The following PPP1R42 variants were observed in gnomAD, a reference collection of about 807,000 sequenced individuals.
PPP1R42 encodes leucine rich repeat containing 67.
PPP1R42 carries 34 observed loss-of-function variants against 31.0 expected under a neutral mutation model. That is an observed-to-expected ratio of 1.10 (90% CI 0.83 to 1.46). The LOEUF (loss-of-function observed/expected upper bound fraction) is 1.46, where lower values mean the gene tolerates loss of function less well. Among genes scored for constraint, PPP1R42 ranks in the 40% most tolerant of loss-of-function variants. The pLI, the probability that PPP1R42 is intolerant of heterozygous loss-of-function variation, is 0.00. For missense variants in PPP1R42, 268 were observed against 303.0 expected, an observed-to-expected ratio of 0.88 and a Z score of 0.86; for synonymous variants, 103 against 109.8, an observed-to-expected ratio of 0.94 and a Z score of 0.39.
chr8:67,000,885 A>T (rs535305052), intron 5 of PPP1R42, among the ~76,000 whole-genome samples: 2 of 152,330 alleles, frequency 1.3e-5, no homozygotes, highest in Middle Eastern at 3.4e-3. Flanking sequence ...CTATCAACCA[A>T]TGCAAGAGAA....
chr8:67,000,010 A>G (rs1430120665), intron 5 of PPP1R42, among the ~76,000 whole-genome samples: 1 of 151,952 alleles, frequency 6.6e-6, no homozygotes, highest in East Asian at 1.9e-4. Flanking sequence ...TTGTTTATTA[A>G]TTTTATTAAT....
chr8:67,000,527 C>T (rs1242310202), intron 5 of PPP1R42, among the ~76,000 whole-genome samples: 4 of 151,480 alleles, frequency 2.6e-5, no homozygotes, highest in South Asian at 2.1e-4. Flanking sequence ...GGTGTGATCT[C>T]GGTCACTGCA....
intron 3 of PPP1R42, among the ~76,000 whole-genome samples, 177 bp from the exon 4 acceptor site, chr8:67,013,273 T>A (rs1405137925): frequency 6.6e-6 from 1 of 152,188 alleles, no homozygotes; most frequent in East Asian, 1.9e-4. Flanking sequence ...AATTATATTC[T>A]TACACTTAAT....
chr8:66,978,039 C>T (rs979451653), intron 7 of PPP1R42, among the ~76,000 whole-genome samples: 3 of 152,164 alleles, frequency 2.0e-5, no homozygotes, highest in Non-Finnish European at 4.4e-5. Context: ...TAAGAGAGCT[C>T]CCTTTTCTCT....
chr8:67,010,841 A>G lies in PPP1R42; in HGVS notation c.436-10T>C, dbSNP rs764635934. 1 of 1,568,692 alleles carries G rather than the reference A, an allele frequency of 6.4e-7. No individual in the cohort carries two copies. The highest frequency in any genetic ancestry group is 1.9e-5 in the Admixed American group (1 of 54,022). On this transcript the variant is annotated splice_polypyrimidine_tract_variant and intron_variant, in intron 4 of 7. Transcript: ENST00000685739. ...ATATACAGAGGGATTTCTGTAAGAA[A>G]AATAACGAAGTTAGCATTAGTAAAT... is the stretch of plus-strand genomic sequence containing the variant.
chr8:67,021,178 T>C (rs1371133558), intron 1 of PPP1R42: 2 of 152,184 alleles, frequency 1.3e-5, no homozygotes, highest in East Asian at 3.8e-4. Context: ...CAATATTCTG[T>C]ATATGAAATC....
chr8:66,964,691 G>A (rs896638018), intron 7 of PPP1R42, among the ~76,000 whole-genome samples: 3 of 151,902 alleles, frequency 2.0e-5, no homozygotes, highest in African/African-American at 7.3e-5. Context: ...ATTCCATATT[G>A]TTTTTATATA....
At chr8:66,992,559 A>G (rs943124220) in intron 5 of PPP1R42, among the ~76,000 whole-genome samples, 2 of 152,242 alleles carry the variant, frequency 1.3e-5, no homozygotes, top group Admixed American at 6.5e-5. Flanking sequence ...GAGCAGGAGC[A>G]TATGTCCCTG....
At position 66,976,244 on chromosome 8, in the gene PPP1R42, G is replaced by C. The variant is rs578041230; in HGVS notation, c.802+5805C>G. Among the ~76,000 whole-genome samples, 370 of 152,086 alleles carry C rather than the reference G, an allele frequency of 2.4e-3. 1 individual carries two copies. The highest frequency in any genetic ancestry group is 0.014 in the Middle Eastern group (4 of 294). On this transcript the variant is annotated intron_variant, in intron 7 of 7. Transcript: ENST00000685739. ...TACTCCCAGATAGGATCATCTAGTT[G>C]CAGGAAAAAAAGCTCAGGGCTCCTG...
chr8:66,991,750 C>A (rs539031267), intron 5 of PPP1R42, among the ~76,000 whole-genome samples: 1 of 152,174 alleles, frequency 6.6e-6, no homozygotes, highest in Non-Finnish European at 1.5e-5. Flanking sequence ...CCAGTATCTC[C>A]GTCTTATCTG....
intron 1 of PPP1R42, among the ~76,000 whole-genome samples, chr8:67,023,988 C>CA (rs1285770303): frequency 2.0e-5 from 3 of 151,184 alleles, no homozygotes; most frequent in Non-Finnish European, 4.4e-5. Context: ...ACTAAAAATA[C>CA]AAAAAAAATT....
At chr8:66,989,122 T>C (rs1037144985) in intron 5 of PPP1R42, among the ~76,000 whole-genome samples, 2 of 152,148 alleles carry the variant, frequency 1.3e-5, no homozygotes, top group African/African-American at 4.8e-5. Flanking sequence ...ATATTTTTAA[T>C]TGTCATAATT....
intron 7 of PPP1R42, chr8:66,968,533 A>G: frequency 7.3e-6 from 7 of 960,728 alleles, no homozygotes; most frequent in Non-Finnish European, 8.7e-6. Flanking sequence ...TAAAGTAATT[A>G]AGGCAAGGGG....
chr8:66,976,197 A>G lies in PPP1R42; in HGVS notation c.802+5852T>C, dbSNP rs147956318. Among the ~76,000 whole-genome samples the G allele has an allele frequency of 1.8e-4, 27 of 152,100 alleles. No individual in the cohort carries two copies. The East Asian group carries it at 2.1e-3, about 12-fold the overall frequency. ...ACTCCTTATGAGAATCTAATGCCCA[A>G]TGATCTGTCACTGTCTCTCATTACT... On this transcript the variant is annotated intron_variant, in intron 7 of 7. Coordinates refer to ENST00000685739, the MANE Select transcript of PPP1R42 (RefSeq NM_001364910.1).
intron 2 of PPP1R42, among the ~76,000 whole-genome samples, chr8:67,016,454 A>T (rs1044093149): frequency 2.0e-5 from 3 of 152,216 alleles, no homozygotes; most frequent in Non-Finnish European, 4.4e-5. Flanking sequence ...AAAGTTTCCC[A>T]AATTACAGCC....
chr8:66,964,388 C>T (rs1487164959), intron 7 of PPP1R42, 54 bp from the exon 8 acceptor site: 2 of 966,088 alleles, frequency 2.1e-6, no homozygotes, highest in African/African-American at 3.5e-5. Context: ...TGAAAGTATC[C>T]CTAAAAGGTA....
chr8:67,010,769 T>C lies in PPP1R42; in HGVS notation c.498A>G (p.Leu166=). ...CTATGAGCTGATTAAGATTCTCTAGTAGTTCTAAGTCTGTAATGTCATCAA... is the reference window on the plus strand; with the variant it reads ...CTATGAGCTGATTAAGATTCTCTAGCAGTTCTAAGTCTGTAATGTCATCAA... ...NNIDDITDLE[L]LENLNQLIAV... is the part of the protein sequence containing the mutation. The change falls in exon 5 of 8, where the codon CTA becomes CTG. Residue 166 remains leucine (L), a synonymous_variant. Coordinates refer to ENST00000685739, the MANE Select transcript of PPP1R42 (RefSeq NM_001364910.1). 6.2e-7 allele frequency: 1 copy of C among 1,608,134 alleles called. No individual in the cohort carries two copies. Among genetic ancestry groups the C allele is most frequent in the Admixed American group, 1.7e-5 (1 of 59,594 alleles).
At chr8:66,991,987 A>G (rs1815202638) in intron 5 of PPP1R42, among the ~76,000 whole-genome samples, 1 of 152,164 alleles carries the variant, frequency 6.6e-6, no homozygotes, top group Non-Finnish European at 1.5e-5. Flanking sequence ...TATAGTGTGG[A>G]TAACAGCTGG....
At chr8:66,982,325 C>T (rs999696730) in intron 6 of PPP1R42, 145 bp from the exon 7 acceptor site, 21 of 405,702 alleles carry the variant, frequency 5.2e-5, no homozygotes, top group South Asian at 1.1e-4. Context: ...AATTATACAA[C>T]GCATGTACTT....
Sources: allele counts gnomAD v4.1 joint callset (sites outside exome capture counted in the v4.1 genomes callset), GRCh38; gene constraint gnomAD v4.1.1; transcripts MANE v1.5; gene names NCBI Gene and HGNC (gene_info 2026-07-23, HGNC 2026-07-21).